AGAP1: variants seen among roughly 807,000 people sequenced by gnomAD.
The protein encoded by AGAP1 is ArfGAP with GTPase domain, ankyrin repeat and PH domain 1, also known as arf-GAP with GTPase, ANK repeat and PH domain-containing protein 1.
In AGAP1, 29 loss-of-function variants were observed where a neutral mutation model predicts 105.3. The ratio of observed to expected loss-of-function variants is 0.28; its 90% CI spans 0.21 to 0.38. The LOEUF (loss-of-function observed/expected upper bound fraction) is 0.38. Among genes scored for constraint, AGAP1 ranks in the 10% least tolerant of loss-of-function variants. AGAP1 has a pLI of 1.00. For missense variants in AGAP1, 998 were observed against 1,165.1 expected, an observed-to-expected ratio of 0.86 and a Z score of 2.09; for synonymous variants, 509 against 485.9, an observed-to-expected ratio of 1.05 and a Z score of -0.63.
rs2054287804 is a variant in AGAP1, at chr2:235,963,949, A to C, written c.1484-4513A>C. On this transcript the variant is annotated intron_variant, in intron 12 of 17. Transcript: ENST00000304032. This position sits in a 1 kb window ranked among gnomAD's most constrained non-coding sequence, Gnocchi z 5.1. ...GTCTTCGAAATAGCGGTGTACACTC[A>C]TAAAAACAACCGCTGGATAACGGAA... Among the ~76,000 whole-genome samples, 1 of 119,446 alleles carries C rather than the reference A, an allele frequency of 8.4e-6. No individual in the cohort carries two copies. The highest frequency in any genetic ancestry group is 6.6e-5 in the African/African-American group (1 of 15,222). 78.4% of individuals were successfully genotyped at this position (119,446 alleles called of 152,430 possible). A position where few individuals can be genotyped will look rare whatever the true frequency, so the allele number is the denominator to read the frequency against.
rs1460520781 is a variant in AGAP1, at chr2:236,009,160, G to A, written c.1646-27401G>A. ...TTCACATAGTCGAAGAATCTTCTGG[G>A]TTGCATCTTATGAAAAAAAGAAATC... On this transcript the variant is annotated intron_variant, in intron 13 of 17. Transcript: ENST00000304032. This position sits in a 1 kb window ranked among gnomAD's most constrained non-coding sequence, Gnocchi z 4.2. 6.6e-6 allele frequency among the ~76,000 whole-genome samples: 1 copy of A among 152,088 alleles called. No homozygotes were observed. Among genetic ancestry groups the A allele is most frequent in the Non-Finnish European group, 1.5e-5 (1 of 68,022 alleles).
At chr2:235,670,162 G>A (rs1173831383) in intron 1 of AGAP1, 2 of 584,688 alleles carry the variant, frequency 3.4e-6, no homozygotes, top group South Asian at 1.7e-5. Flanking sequence ...TGCCGCGCGG[G>A]ACGCCCCCCA....
At position 235,959,122 on chromosome 2, in the gene AGAP1, TG is replaced by T. The variant is rs1344820137; in HGVS notation, c.1484-9338del. Among the ~76,000 whole-genome samples the T allele has an allele frequency of 6.6e-6, 1 of 152,202 alleles. No homozygotes were observed. Among genetic ancestry groups the T allele is most frequent in the Non-Finnish European group, 1.5e-5 (1 of 68,034 alleles). On this transcript the variant is annotated intron_variant, in intron 12 of 17. Coordinates refer to ENST00000304032, the MANE Select transcript of AGAP1 (RefSeq NM_001037131.3). The surrounding 1 kb of genome is among the most constrained non-coding windows in gnomAD (Gnocchi z 7.3). ...AGGCGCTCGCTTTTTTAATTTGGCATGGCTTTTTTCTCTTAGCCTCTCCCCT... is the reference window on the plus strand; with the variant it reads ...AGGCGCTCGCTTTTTTAATTTGGCATGCTTTTTTCTCTTAGCCTCTCCCCT...
chr2:235,716,059 G>A lies in AGAP1; in HGVS notation c.223-1498G>A, dbSNP rs1470871313. 2.6e-5 allele frequency among the ~76,000 whole-genome samples: 4 copies of A among 152,242 alleles called. No homozygotes were observed. The highest frequency in any genetic ancestry group is 4.1e-4 in the South Asian group (2 of 4,828). On this transcript the variant is annotated intron_variant, in intron 2 of 17. Transcript: ENST00000304032. This position sits in a 1 kb window ranked among gnomAD's most constrained non-coding sequence, Gnocchi z 4.0. ...GCCAGGGGATGCGATTTGGGAATAG[G>A]CAGCTTTTTTTTCCCCCCACATCCA...
In AGAP1 at chr2:235,601,372, G is replaced by A. The variant is rs1052557042; in HGVS notation, c.163+106523G>A. ...AGAACACCAGTTGTATTAGTCTGTTGTCGTGCTGCTAATAAGCACATACCT... is the reference window on the plus strand; with the variant it reads ...AGAACACCAGTTGTATTAGTCTGTTATCGTGCTGCTAATAAGCACATACCT... On this transcript the variant is annotated intron_variant, in intron 1 of 17. Coordinates refer to ENST00000304032, the MANE Select transcript of AGAP1 (RefSeq NM_001037131.3). The surrounding 1 kb of genome is among the most constrained non-coding windows in gnomAD (Gnocchi z 4.4). 1.2e-4 allele frequency among the ~76,000 whole-genome samples: 18 copies of A among 152,138 alleles called. No homozygotes were observed. The highest frequency in any genetic ancestry group is 4.1e-4 in the African/African-American group (17 of 41,434).
intron 3 of AGAP1, among the ~76,000 whole-genome samples, chr2:235,730,768 G>A (rs1951902425): frequency 1.3e-5 from 2 of 152,218 alleles, no homozygotes; most frequent in Admixed American, 6.5e-5. Context: ...AGTGGGAGAT[G>A]CTGAAATATT....
chr2:235,566,655 A>C lies in AGAP1; in HGVS notation c.163+71806A>C. On this transcript the variant is annotated intron_variant, in intron 1 of 17. Transcript: ENST00000304032. This position sits in a 1 kb window ranked among gnomAD's most constrained non-coding sequence, Gnocchi z 5.2. Reference sequence around the variant, plus strand: ...ATGCCTGACACCTTCCTCATGCCGCAGGACCAGCCGGGACCGGGGAGAGGC... The same window carrying C: ...ATGCCTGACACCTTCCTCATGCCGCCGGACCAGCCGGGACCGGGGAGAGGC... 1.0e-6 allele frequency: 1 copy of C among 957,228 alleles called. No individual in the cohort carries two copies. Among genetic ancestry groups the C allele is most frequent in the Non-Finnish European group, 1.2e-6 (1 of 804,270 alleles). 59.3% of individuals were successfully genotyped at this position (957,228 alleles called of 1,614,324 possible). A position where few individuals can be genotyped will look rare whatever the true frequency, so the allele number is the denominator to read the frequency against.
intron 16 of AGAP1, among the ~76,000 whole-genome samples, chr2:236,116,341 T>C (rs1271804304): frequency 1.4e-5 from 2 of 146,704 alleles, no homozygotes; most frequent in Non-Finnish European, 3.0e-5. Flanking sequence ...ACAGGTGGTA[T>C]TTGGTTAATT....
chr2:236,070,261 TA>T (rs1207354295), intron 16 of AGAP1, among the ~76,000 whole-genome samples: 1 of 152,190 alleles, frequency 6.6e-6, no homozygotes, highest in Non-Finnish European at 1.5e-5. Flanking sequence ...GGCGAGTGGT[TA>T]GGGGCAGCGT....
At position 235,982,201 on chromosome 2, in the gene AGAP1, C is replaced by T. The variant is rs2055126831; in HGVS notation, c.1645+13578C>T. ...TCTCTTCGCAGCCTGGTAATTTTAC[C>T]TGGACAAGTAAATCCATTTCTCACA... On this transcript the variant is annotated intron_variant, in intron 13 of 17. Transcript: ENST00000304032. This position sits in a 1 kb window ranked among gnomAD's most constrained non-coding sequence, Gnocchi z 4.9. Among the ~76,000 whole-genome samples the T allele has an allele frequency of 6.6e-6, 1 of 152,168 alleles. No homozygotes were observed. Among genetic ancestry groups the T allele is most frequent in the African/African-American group, 2.4e-5 (1 of 41,434 alleles).
rs560738168 is a variant in AGAP1, at chr2:235,627,445, G to A, written c.164-81734G>A. Among the ~76,000 whole-genome samples the A allele has an allele frequency of 4.6e-5, 7 of 152,112 alleles. No individual in the cohort carries two copies. In the South Asian group the frequency reaches 6.2e-4, roughly 14 times the overall value. On this transcript the variant is annotated intron_variant, in intron 1 of 17. Transcript: ENST00000304032. ...TCGTCATGTTGGCCCTGCTGGTCTC[G>A]AACTCCTGATCTCAAGTGATCCGTC...
At chr2:236,034,158 G>A (rs534094663) in intron 13 of AGAP1, among the ~76,000 whole-genome samples, 120 of 152,296 alleles carry the variant, frequency 7.9e-4, no homozygotes, top group African/African-American at 2.8e-3. Context: ...GGAAAAGGTT[G>A]TAAATCATAG....
chr2:235,783,894 C>T (rs1225338563), intron 6 of AGAP1, among the ~76,000 whole-genome samples: 2 of 152,108 alleles, frequency 1.3e-5, no homozygotes, highest in Non-Finnish European at 2.9e-5. Flanking sequence ...TAGTTAATCA[C>T]GTGCATGTTG....
At chr2:235,594,753 T>C (rs1945462895) in intron 1 of AGAP1, among the ~76,000 whole-genome samples, 2 of 152,194 alleles carry the variant, frequency 1.3e-5, no homozygotes, top group Middle Eastern at 3.4e-3. Flanking sequence ...TTTGTATTTT[T>C]AGTAGGGATG....
Position 235,800,630 on chromosome 2 carries a change from A to C in AGAP1, c.957+1108A>C, listed in dbSNP as rs138766531. Among the ~76,000 whole-genome samples the C allele has an allele frequency of 3.3e-3, 499 of 152,332 alleles. 8 individuals are homozygous for C. The highest frequency in any genetic ancestry group is 0.026 in the Admixed American group (405 of 15,304). ...TTTTCCTCCCTGGATCACGCATTACAAGTACATGCTTTTGAAACAGTGCTT... is the reference window on the plus strand; with the variant it reads ...TTTTCCTCCCTGGATCACGCATTACCAGTACATGCTTTTGAAACAGTGCTT... On this transcript the variant is annotated intron_variant, in intron 8 of 17. Transcript: ENST00000304032.
rs1947738155 is a variant in AGAP1 at position 235,655,326 on chromosome 2, A to C, written c.164-53853A>C. On this transcript the variant is annotated intron_variant, in intron 1 of 17. Transcript: ENST00000304032. The surrounding 1 kb of genome is among the most constrained non-coding windows in gnomAD (Gnocchi z 4.3). ...CATTCCTTGTGGTGTGTATTAATAA[A>C]TTGAGTAGGTGAAAAAGACAATAGA... 6.6e-6 allele frequency among the ~76,000 whole-genome samples: 1 copy of C among 152,162 alleles called. No homozygotes were observed. Among genetic ancestry groups the C allele is most frequent in the African/African-American group, 2.4e-5 (1 of 41,444 alleles).
chr2:235,707,428 A>C (rs1950588060), intron 1 of AGAP1, among the ~76,000 whole-genome samples: 1 of 135,392 alleles, frequency 7.4e-6, no homozygotes, highest in Non-Finnish European at 1.6e-5. Flanking sequence ...CTGTCATTGC[A>C]GGGCCCGTGG....
In AGAP1 at chr2:235,601,091, C is replaced by A. The variant is rs1456593276; in HGVS notation, c.163+106242C>A. ...GCAGGGTCCAGCCAGCTCCCCACCT[C>A]CACTGGATGCCACTGTGTTAGCTTG... is the stretch of plus-strand genomic sequence containing the variant. On this transcript the variant is annotated intron_variant, in intron 1 of 17. Coordinates refer to ENST00000304032, the MANE Select transcript of AGAP1 (RefSeq NM_001037131.3). This position sits in a 1 kb window ranked among gnomAD's most constrained non-coding sequence, Gnocchi z 4.4. 1.3e-5 allele frequency among the ~76,000 whole-genome samples: 2 copies of A among 152,230 alleles called. No homozygotes were observed. The highest frequency in any genetic ancestry group is 6.5e-5 in the Admixed American group (1 of 15,282).
In AGAP1 at chr2:235,879,555, T is replaced by C. The variant is rs568576749; in HGVS notation, c.1051-3790T>C. Among the ~76,000 whole-genome samples, 1 of 152,274 alleles carries C rather than the reference T, an allele frequency of 6.6e-6. No individual in the cohort carries two copies. The highest frequency in any genetic ancestry group is 2.1e-4 in the South Asian group (1 of 4,816). ...CTTATTTAATAAGATCTTAAGTTTA[T>C]TGAGAGTTTTCCTAGGATCAAAAGA... is the stretch of plus-strand genomic sequence containing the variant. On this transcript the variant is annotated intron_variant, in intron 9 of 17. Transcript: ENST00000304032. This position sits in a 1 kb window ranked among gnomAD's most constrained non-coding sequence, Gnocchi z 5.0.
Sources: gnomAD v4.1 joint callset for allele counts (sites outside exome capture counted in the v4.1 genomes callset) on GRCh38, gnomAD v4.1.1 for gene constraint, Gnocchi (gnomAD v3.1) non-coding constraint, MANE v1.5 for transcripts, NCBI Gene and HGNC (gene_info 2026-07-23, HGNC 2026-07-21) for gene names.